GPRC5B: variants seen among roughly 807,000 people sequenced by gnomAD.
GPRC5B encodes the protein G protein-coupled receptor class C group 5 member B.
A neutral mutation model predicts 30.1 loss-of-function variants in GPRC5B; 16 were observed. The ratio of observed to expected loss-of-function variants is 0.53; its 90% CI spans 0.36 to 0.81. GPRC5B has a LOEUF of 0.81. Ranked by LOEUF, GPRC5B falls within the 30% of genes least tolerant of loss-of-function variation. The pLI is 0.01. For missense variants in GPRC5B, 428 were observed against 544.7 expected, an observed-to-expected ratio of 0.79 and a Z score of 2.13; for synonymous variants, 241 against 239.5, an observed-to-expected ratio of 1.01 and a Z score of -0.06.
In GPRC5B at chr16:19,882,359, GTGGT is replaced by G. The variant is rs1345136471; in HGVS notation, c.-2+2364_-2+2367del. On this transcript the variant is annotated intron_variant, in intron 1 of 3. Coordinates refer to ENST00000300571, the MANE Select transcript of GPRC5B (RefSeq NM_016235.3). ...TGCATCCTTGGCTGCCCGATCCACA[GTGGT>G]TGGTTCCTCTCAGGCTGTAATTCCG... The G allele has an allele frequency of 3.3e-5, 5 of 152,380 alleles. No individual in the cohort carries two copies. In the East Asian group the frequency reaches 7.7e-4, roughly 23 times the overall value. 9.4% of individuals were successfully genotyped at this position (152,380 alleles called of 1,614,324 possible).
At chr16:19,885,140 G>T (rs1045172981), upstream of GPRC5B, 41 of 1,148,158 alleles carry the variant, frequency 3.6e-5, 1 homozygote, top group Admixed American at 3.9e-4. The surrounding 1 kb of genome is among the most constrained non-coding windows in gnomAD (Gnocchi z 5.3). Context: ...CAGTCCAGAC[G>T]AGCCGGGCAA....
chr16:19,864,544 G>A (rs1274440218), intron 2 of GPRC5B, among the ~76,000 whole-genome samples: 1 of 152,256 alleles, frequency 6.6e-6, no homozygotes, highest in Admixed American at 6.5e-5. Flanking sequence ...GAGGCTTCTG[G>A]GGCTTGGCAA....
intron 1 of GPRC5B, among the ~76,000 whole-genome samples, chr16:19,878,550 T>C (rs909858994): frequency 5.9e-5 from 9 of 152,114 alleles, no homozygotes; most frequent in Non-Finnish European, 1.3e-4. Context: ...CGCCTCAGCC[T>C]CCCAAAGTTC....
At chr16:19,868,099 G>C (rs959467201) in intron 2 of GPRC5B, among the ~76,000 whole-genome samples, 2 of 151,662 alleles carry the variant, frequency 1.3e-5, no homozygotes, top group African/African-American at 4.8e-5. Flanking sequence ...AGGGGGCTGG[G>C]TGCGGTGGCT....
At position 19,858,621 on chromosome 16, in the gene GPRC5B, G is replaced by T; in HGVS notation, c.*1879C>A. 1 of 577,564 alleles carries T rather than the reference G, an allele frequency of 1.7e-6. No homozygotes were observed. The highest frequency in any genetic ancestry group is 3.1e-6 in the Non-Finnish European group (1 of 317,926). 35.8% of individuals were successfully genotyped at this position (577,564 alleles called of 1,614,324 possible). On this transcript the variant is annotated 3_prime_UTR_variant, in exon 4 of 4. Transcript: ENST00000300571. ...GTGTTTGAAGATTTCTTTCTTTTCAGAATACCGGGTCCGCATGCAACCGCC... is the reference window on the plus strand; with the variant it reads ...GTGTTTGAAGATTTCTTTCTTTTCATAATACCGGGTCCGCATGCAACCGCC...
At chr16:19,864,815 A>T (rs184830716) in intron 2 of GPRC5B, among the ~76,000 whole-genome samples, 37 of 152,262 alleles carry the variant, frequency 2.4e-4, no homozygotes, top group African/African-American at 8.7e-4. Flanking sequence ...GGAGCATGCC[A>T]GATAGTCCCC....
At chr16:19,878,885 T>G (rs1180159447) in intron 1 of GPRC5B, among the ~76,000 whole-genome samples, 1 of 151,990 alleles carries the variant, frequency 6.6e-6, no homozygotes, top group Non-Finnish European at 1.5e-5. Context: ...AACATCGCCC[T>G]GGAGCTCTTT....
chr16:19,876,294 G>T (rs994556439), intron 1 of GPRC5B, among the ~76,000 whole-genome samples: 3 of 152,348 alleles, frequency 2.0e-5, no homozygotes, highest in Non-Finnish European at 4.4e-5. Context: ...ATTGGTATCA[G>T]GGGGATAGAG....
At position 19,859,197 on chromosome 16, in the gene GPRC5B, G is replaced by A. The variant is rs953847762; in HGVS notation, c.*1303C>T. 6.6e-6 allele frequency: 1 copy of A among 152,634 alleles called. No individual in the cohort carries two copies. Among genetic ancestry groups the A allele is most frequent in the Non-Finnish European group, 1.5e-5 (1 of 68,058 alleles). The allele number at this position is 152,634 out of a possible 1,614,324, so 9.5% of individuals were successfully genotyped here. ...TGCCGTCAGGTTAAAACTCTGCTTT[G>A]AATCGATGCTAGAGGTTATGCTGGC... is the stretch of plus-strand genomic sequence containing the variant. On this transcript the variant is annotated 3_prime_UTR_variant, in exon 4 of 4. Transcript: ENST00000300571.
At chr16:19,868,534 G>A (rs1016112363) in intron 2 of GPRC5B, among the ~76,000 whole-genome samples, 44 of 152,156 alleles carry the variant, frequency 2.9e-4, no homozygotes, top group African/African-American at 8.4e-4. Flanking sequence ...CTCTGCTCAC[G>A]ACATTCCCTG....
chr16:19,882,772 A>AT (rs2056816893), intron 1 of GPRC5B, among the ~76,000 whole-genome samples: 1 of 152,196 alleles, frequency 6.6e-6, no homozygotes, highest in South Asian at 2.1e-4. Context: ...ATGACCCAAA[A>AT]GATCATGATC....
chr16:19,875,565 GA>G (rs1230512402), intron 1 of GPRC5B, among the ~76,000 whole-genome samples: 1 of 152,108 alleles, frequency 6.6e-6, no homozygotes, highest in Non-Finnish European at 1.5e-5. Flanking sequence ...ATCACTTGAG[GA>G]CAGGAGTTTG....
chr16:19,860,408 C>A lies in GPRC5B; in HGVS notation c.*92G>T. 1 of 795,512 alleles carries A rather than the reference C, an allele frequency of 1.3e-6. No individual in the cohort carries two copies. Among genetic ancestry groups the A allele is most frequent in the Non-Finnish European group, 2.2e-6 (1 of 462,888 alleles). 49.3% of individuals were successfully genotyped at this position (795,512 alleles called of 1,614,324 possible). On this transcript the variant is annotated 3_prime_UTR_variant, in exon 4 of 4. Transcript: ENST00000300571. ...TTCCTGGCTGTGAGGCGGCCTGGTT[C>A]GGCAACTGTTACCGATTTCTCCCTC...
chr16:19,865,382 G>A (rs2056658089), intron 2 of GPRC5B, among the ~76,000 whole-genome samples: 1 of 152,194 alleles, frequency 6.6e-6, no homozygotes, highest in Non-Finnish European at 1.5e-5. Flanking sequence ...CTGGCCATAT[G>A]TACAGTAATT....
At chr16:19,861,755 AG>A in intron 3 of GPRC5B, 81 bp downstream of exon 3, 2 of 1,180,958 alleles carry the variant, frequency 1.7e-6, no homozygotes, top group Non-Finnish European at 2.5e-6. Context: ...GCCTCCATGG[AG>A]GAGTATGTCC....
intron 2 of GPRC5B, among the ~76,000 whole-genome samples, chr16:19,869,075 TC>T (rs2141143051): frequency 6.6e-6 from 1 of 152,268 alleles, no homozygotes; most frequent in Non-Finnish European, 1.5e-5. Flanking sequence ...ATGTCTGTAA[TC>T]CCAGCACTTT....
chr16:19,884,940 C>A (rs564636861), upstream of GPRC5B: 4,024 of 913,540 alleles, frequency 4.4e-3, 128 homozygotes, highest in African/African-American at 0.068. Flanking sequence ...CGCCCCCGGC[C>A]GGCCCCGCCC....
chr16:19,871,751 A>G lies in GPRC5B; in HGVS notation c.1030+65T>C. On this transcript the variant is annotated intron_variant, in intron 2 of 3. Coordinates refer to ENST00000300571, the MANE Select transcript of GPRC5B (RefSeq NM_016235.3). ...GGACCGCCCATCCCCACTGAAGAGG[A>G]AGAAGAGTATCTTTTGAGATGAATG... 2.1e-6 allele frequency: 3 copies of G among 1,437,158 alleles called. No homozygotes were observed. The South Asian group carries it at 3.7e-5, about 18-fold the overall frequency. The allele number at this position is 1,437,158 out of a possible 1,614,324, so 89.0% of individuals were successfully genotyped here.
chr16:19,878,967 G>A (rs1200203345), intron 1 of GPRC5B, among the ~76,000 whole-genome samples: 1 of 152,156 alleles, frequency 6.6e-6, no homozygotes, highest in East Asian at 1.9e-4. Context: ...ATGTGGGGGT[G>A]TACTGAGGCT....
Sources: allele counts gnomAD v4.1 joint callset (sites outside exome capture counted in the v4.1 genomes callset), GRCh38; gene constraint gnomAD v4.1.1; non-coding constraint Gnocchi (gnomAD v3.1); transcripts MANE v1.5; gene names NCBI Gene and HGNC (gene_info 2026-07-23, HGNC 2026-07-21).